MECOM: variants seen among roughly 807,000 people sequenced by gnomAD.
MECOM encodes histone-lysine N-methyltransferase MECOM.
A neutral mutation model predicts 116.3 loss-of-function variants in MECOM; 13 were observed. The ratio of observed to expected loss-of-function variants is 0.11; its 90% CI spans 0.07 to 0.18. The LOEUF (loss-of-function observed/expected upper bound fraction) is 0.18. Among genes scored for constraint, MECOM ranks in the 10% least tolerant of loss-of-function variants. The probability of loss-of-function intolerance (pLI) is 1.00; values close to 1 mark genes in which losing one functional copy is unlikely to be tolerated. For synonymous variants in MECOM, 528 were observed against 535.2 expected (o/e 0.99, Z 0.19); for missense variants, 1,299 against 1,509.0 (o/e 0.86, Z 2.31).
intron 2 of MECOM, among the ~76,000 whole-genome samples, chr3:169,339,641 C>T (rs987689542): frequency 2.0e-5 from 3 of 152,028 alleles, no homozygotes; most frequent in African/African-American, 7.2e-5. Flanking sequence ...TAACAAGATT[C>T]CCAGCTGATG....
At chr3:169,637,196 G>C (rs1319329237) in intron 1 of MECOM, among the ~76,000 whole-genome samples, 1 of 152,080 alleles carries the variant, frequency 6.6e-6, no homozygotes. Flanking sequence ...CCAGTAGCAA[G>C]CAGCCATTCG....
chr3:169,510,844 C>T (rs1191641054), intron 1 of MECOM, among the ~76,000 whole-genome samples: 1 of 152,136 alleles, frequency 6.6e-6, no homozygotes, highest in Non-Finnish European at 1.5e-5. Context: ...AGAGGGCCAA[C>T]TTGGTGCTAC....
intron 1 of MECOM, among the ~76,000 whole-genome samples, chr3:169,584,035 T>A (rs1169711162): frequency 6.6e-6 from 1 of 152,224 alleles, no homozygotes; most frequent in Non-Finnish European, 1.5e-5. Flanking sequence ...CCAATTATTC[T>A]AAATATGCAT....
intron 16 of MECOM, chr3:169,086,478 A>T (rs1576810612): frequency 1.5e-6 from 1 of 657,624 alleles, no homozygotes; most frequent in Non-Finnish European, 2.7e-6. Flanking sequence ...TGGAATTTAA[A>T]TTTTAATCCT....
chr3:169,273,112 C>A (rs778385791), intron 2 of MECOM, among the ~76,000 whole-genome samples: 8 of 152,124 alleles, frequency 5.3e-5, no homozygotes, highest in Non-Finnish European at 8.8e-5. Flanking sequence ...AAGAGGAATG[C>A]ATGCATGAGT....
At chr3:169,364,493 G>A (rs1232787569) in intron 2 of MECOM, among the ~76,000 whole-genome samples, 1 of 151,966 alleles carries the variant, frequency 6.6e-6, no homozygotes, top group Non-Finnish European at 1.5e-5. Flanking sequence ...TCAACTGTGT[G>A]CTTAAAGAAA....
At chr3:169,581,975 A>G (rs1560458772) in intron 1 of MECOM, among the ~76,000 whole-genome samples, 1 of 152,242 alleles carries the variant, frequency 6.6e-6, no homozygotes, top group Non-Finnish European at 1.5e-5. Flanking sequence ...TGTTTTCTAA[A>G]TGAGTCAATA....
Position 169,434,829 on chromosome 3 carries a change from C to A in MECOM, c.38-53305G>T, listed in dbSNP as rs1443625423. Reference sequence around the variant, plus strand: ...AAAACTATTTGAACCACTTATTAATCTCCAGTCTGTTTCATCAATCTTTTA... The same window carrying A: ...AAAACTATTTGAACCACTTATTAATATCCAGTCTGTTTCATCAATCTTTTA... On this transcript the variant is annotated intron_variant, in intron 1 of 16. Transcript: ENST00000651503. Among the ~76,000 whole-genome samples, 4 of 152,120 alleles carry A rather than the reference C, an allele frequency of 2.6e-5. No homozygotes were observed. In the East Asian group the frequency reaches 7.7e-4, roughly 29 times the overall value.
chr3:169,432,724 A>G (rs1405995543), intron 1 of MECOM, among the ~76,000 whole-genome samples: 1 of 152,200 alleles, frequency 6.6e-6, no homozygotes. Flanking sequence ...CAGTGAGGTG[A>G]CCCTTATATC....
intron 2 of MECOM, among the ~76,000 whole-genome samples, chr3:169,197,616 A>G (rs1330724485): frequency 1.3e-5 from 2 of 152,020 alleles, no homozygotes; most frequent in African/African-American, 4.8e-5. Context: ...ACTTAAATTT[A>G]CATCATAGAA....
chr3:169,366,282 G>T (rs562580840), intron 2 of MECOM, among the ~76,000 whole-genome samples: 23 of 151,956 alleles, frequency 1.5e-4, no homozygotes, highest in Non-Finnish European at 3.1e-4. Context: ...TCTCAATCAC[G>T]TGAGCAGAAA....
intron 1 of MECOM, among the ~76,000 whole-genome samples, chr3:169,546,357 T>C (rs1032681114): frequency 6.6e-6 from 1 of 152,196 alleles, no homozygotes; most frequent in African/African-American, 2.4e-5. Flanking sequence ...AAATATACAA[T>C]TTTCTATAAA....
intron 2 of MECOM, among the ~76,000 whole-genome samples, chr3:169,147,892 G>C (rs1455131050): frequency 5.3e-5 from 8 of 151,574 alleles, no homozygotes; most frequent in Non-Finnish European, 1.5e-5. Flanking sequence ...CTGGAGTGGG[G>C]AGGATAAAGC....
At chr3:169,167,596 T>G (rs1025376049) in intron 2 of MECOM, among the ~76,000 whole-genome samples, 11 of 152,228 alleles carry the variant, frequency 7.2e-5, no homozygotes, top group Non-Finnish European at 5.9e-5. Context: ...CCTCTATAAT[T>G]GCTTTTCACC....
chr3:169,119,888 C>G (rs1730423060), intron 7 of MECOM, among the ~76,000 whole-genome samples: 1 of 151,996 alleles, frequency 6.6e-6, no homozygotes, highest in South Asian at 2.1e-4. Context: ...AACAGAAGAG[C>G]ATATGAGCAA....
intron 1 of MECOM, among the ~76,000 whole-genome samples, chr3:169,538,954 G>C (rs1443334483): frequency 6.6e-6 from 1 of 151,550 alleles, no homozygotes; most frequent in Non-Finnish European, 1.5e-5. Flanking sequence ...ATAACACAGA[G>C]AAGACTCAAG....
intron 2 of MECOM, among the ~76,000 whole-genome samples, chr3:169,182,407 C>A (rs537398859): frequency 1.1e-3 from 174 of 152,300 alleles, no homozygotes; most frequent in Non-Finnish European, 2.1e-3. Flanking sequence ...AACAGTATCA[C>A]AGCTTTTGAT....
intron 2 of MECOM, among the ~76,000 whole-genome samples, chr3:169,298,679 G>C (rs1020059831): frequency 6.6e-6 from 1 of 152,108 alleles, no homozygotes; most frequent in African/African-American, 2.4e-5. Flanking sequence ...CTTGGGACAT[G>C]AAATAATCTG....
chr3:169,663,312 A>ATAGAAAAG, intron 1 of MECOM, 24 bp downstream of exon 1: 1 of 1,602,656 alleles, frequency 6.2e-7, no homozygotes, highest in Middle Eastern at 1.7e-4. Flanking sequence ...GGAAAAGCCA[A>ATAGAAAAG]TAGAAAAGGG....
Sources: allele counts gnomAD v4.1 joint callset (sites outside exome capture counted in the v4.1 genomes callset), GRCh38; gene constraint gnomAD v4.1.1; transcripts MANE v1.5; gene names NCBI Gene and HGNC (gene_info 2026-07-23, HGNC 2026-07-21).